TMEM178B: variants seen among roughly 807,000 people sequenced by gnomAD.
TMEM178B encodes transmembrane protein 178B.
In TMEM178B, 5 loss-of-function variants were observed where a neutral mutation model predicts 31.0. The ratio of observed to expected loss-of-function variants is 0.16; its 90% confidence interval spans 0.08 to 0.34. TMEM178B has a LOEUF of 0.34. Ranked by LOEUF, TMEM178B falls within the 10% of genes least tolerant of loss-of-function variation. The pLI is 1.00. For missense variants in TMEM178B, 275 were observed against 400.3 expected (o/e 0.69, Z 2.67); for synonymous variants, 164 against 164.0 (o/e 1.00, Z 0.00).
intron 2 of TMEM178B, among the ~76,000 whole-genome samples, chr7:141,319,824 A>G (rs534692906): frequency 3.3e-5 from 5 of 152,110 alleles, no homozygotes; most frequent in Non-Finnish European, 7.4e-5. Context: ...GAATCTCTGC[A>G]TTTCTACTTT....
intron 2 of TMEM178B, among the ~76,000 whole-genome samples, chr7:141,256,645 C>T (rs539271090): frequency 7.9e-5 from 12 of 152,160 alleles, no homozygotes; most frequent in South Asian, 4.2e-4. Flanking sequence ...AAGATATATA[C>T]TTGAAAGGTC....
At chr7:141,396,248 T>TG (rs1294262703) in intron 2 of TMEM178B, among the ~76,000 whole-genome samples, 1 of 152,188 alleles carries the variant, frequency 6.6e-6, no homozygotes, top group African/African-American at 2.4e-5. Context: ...TCTTCTTGCG[T>TG]GCCTCCCCTC....
intron 1 of TMEM178B, among the ~76,000 whole-genome samples, chr7:141,100,971 C>T (rs550643930): frequency 3.0e-4 from 46 of 152,290 alleles, no homozygotes; most frequent in African/African-American, 1.1e-3. Context: ...CAGATGCCGT[C>T]AAAGAATCTG....
chr7:141,451,254 C>G (rs1416948743), intron 3 of TMEM178B, among the ~76,000 whole-genome samples: 1 of 152,218 alleles, frequency 6.6e-6, no homozygotes, highest in Non-Finnish European at 1.5e-5. Context: ...GTATCACCAC[C>G]TGTAAAATCA....
chr7:141,440,276 G>A (rs1432260932), intron 3 of TMEM178B, among the ~76,000 whole-genome samples: 2 of 152,194 alleles, frequency 1.3e-5, no homozygotes, highest in African/African-American at 2.4e-5. Flanking sequence ...ATGAGTGAGA[G>A]CCTTGCTTAC....
intron 2 of TMEM178B, among the ~76,000 whole-genome samples, chr7:141,283,261 A>C (rs1798394698): frequency 6.6e-6 from 1 of 152,188 alleles, no homozygotes; most frequent in Non-Finnish European, 1.5e-5. Context: ...CATTCAACCA[A>C]CTTCTTCCTC....
At chr7:141,110,835 T>C (rs140349860) in intron 1 of TMEM178B, among the ~76,000 whole-genome samples, 1 of 152,270 alleles carries the variant, frequency 6.6e-6, no homozygotes, top group Non-Finnish European at 1.5e-5. Flanking sequence ...TCTGATAGCA[T>C]TGGTCTCCTT....
intron 2 of TMEM178B, among the ~76,000 whole-genome samples, chr7:141,254,700 G>C (rs758462943): frequency 6.6e-6 from 1 of 152,150 alleles, no homozygotes; most frequent in Admixed American, 6.5e-5. Flanking sequence ...CAGCCTGGGG[G>C]ACAAGAGCGA....
At chr7:141,096,193 A>C (rs1213611596) in intron 1 of TMEM178B, among the ~76,000 whole-genome samples, 1 of 152,200 alleles carries the variant, frequency 6.6e-6, no homozygotes. Flanking sequence ...TTTAAATTGC[A>C]TTGCAGGTCA....
At chr7:141,385,462 A>G (rs974109628) in intron 2 of TMEM178B, among the ~76,000 whole-genome samples, 3 of 152,244 alleles carry the variant, frequency 2.0e-5, no homozygotes, top group African/African-American at 7.2e-5. Context: ...ATAAAAATGT[A>G]CATTGAAAAA....
At chr7:141,360,936 G>T (rs181974638) in intron 2 of TMEM178B, among the ~76,000 whole-genome samples, 12 of 152,212 alleles carry the variant, frequency 7.9e-5, no homozygotes, top group Middle Eastern at 6.8e-3. Flanking sequence ...ATTCTTGGGA[G>T]CTGTAAGACC....
At chr7:141,123,760 GT>G (rs1018749287) in intron 1 of TMEM178B, among the ~76,000 whole-genome samples, 8 of 149,082 alleles carry the variant, frequency 5.4e-5, no homozygotes, top group Non-Finnish European at 7.5e-5. Flanking sequence ...GTTAGGTTAG[GT>G]TTTTTTTTTG....
At chr7:141,225,098 A>G (rs1331128592) in intron 2 of TMEM178B, among the ~76,000 whole-genome samples, 1 of 152,210 alleles carries the variant, frequency 6.6e-6, no homozygotes, top group Non-Finnish European at 1.5e-5. Context: ...CAGTGATGGA[A>G]TTGAGACAAG....
At chr7:141,080,821 A>G (rs1410847343) in intron 1 of TMEM178B, among the ~76,000 whole-genome samples, 1 of 152,138 alleles carries the variant, frequency 6.6e-6, no homozygotes. Flanking sequence ...GTTATCATGG[A>G]GCTGAAAAAT....
At chr7:141,417,762 C>T (rs1385921514) in intron 2 of TMEM178B, among the ~76,000 whole-genome samples, 1 of 152,178 alleles carries the variant, frequency 6.6e-6, no homozygotes, top group Non-Finnish European at 1.5e-5. Context: ...TGTTTCTAAG[C>T]CTTTTTGAGC....
chr7:141,481,011 G>A (rs751251016), downstream of TMEM178B, among the ~76,000 whole-genome samples: 8 of 152,214 alleles, frequency 5.3e-5, no homozygotes, highest in Non-Finnish European at 8.8e-5. Flanking sequence ...CTGGAAGCCT[G>A]TAGGAAGGAA....
chr7:141,268,934 G>T (rs1009068349), intron 2 of TMEM178B, among the ~76,000 whole-genome samples: 2 of 152,110 alleles, frequency 1.3e-5, no homozygotes, highest in African/African-American at 4.8e-5. Context: ...AGAAAATGCC[G>T]TGGTGGAGAG....
chr7:141,311,470 C>A (rs1798909562), intron 2 of TMEM178B, among the ~76,000 whole-genome samples: 1 of 152,018 alleles, frequency 6.6e-6, no homozygotes, highest in African/African-American at 2.4e-5. Flanking sequence ...GGTTTTCTAA[C>A]TAATTTATTA....
chr7:141,336,906 TCATCAC>T (rs1799404471), intron 2 of TMEM178B, among the ~76,000 whole-genome samples: 4 of 39,590 alleles, frequency 1.0e-4, no homozygotes, highest in South Asian at 9.9e-4. Flanking sequence ...ACCACCACCA[TCATCAC>T]CACCACCACC....
Sources: allele counts gnomAD v4.1 joint callset (sites outside exome capture counted in the v4.1 genomes callset), GRCh38; gene constraint gnomAD v4.1.1; transcripts MANE v1.5; gene names NCBI Gene and HGNC (gene_info 2026-07-23, HGNC 2026-07-21).